Variants in IRF7 observed in about 807,000 individuals in gnomAD.
IRF7 encodes interferon regulatory factor-7H.
IRF7 carries 67 observed loss-of-function variants against 51.3 expected under a neutral mutation model. That is an observed-to-expected ratio of 1.31 (90% CI 1.07 to 1.60). IRF7 has a LOEUF of 1.60. IRF7 is among the 40% of genes most tolerant of loss of function. The pLI is 0.00. For missense variants in IRF7, 873 were observed against 701.5 expected (o/e 1.24, Z -2.76); for synonymous variants, 427 against 301.3 (o/e 1.42, Z -4.32).
In IRF7 at chr11:613,406, G is replaced by T; in HGVS notation, c.1037C>A (p.Thr346Lys). The T allele has an allele frequency of 6.3e-7, 1 of 1,580,276 alleles. No individual in the cohort carries two copies. Residue 346 changes from threonine (T) to lysine (K), a missense_variant, in exon 9 of 11, where the codon ACG (threonine) becomes AAG (lysine). Coordinates refer to ENST00000525445, the MANE Select transcript of IRF7 (RefSeq NM_001572.5). ...GGCCACGTGCCGCAGCAGTTCCTCC[G>T]TGTAGCGCAGCTGCTTCTGGTCCGG... is the stretch of plus-strand genomic sequence containing the variant. ...ELPDQKQLRY[T>K]EELLRHVAPG...
Position 613,482 on chromosome 11 carries a change from C to A in IRF7, c.961G>T (p.Val321Phe), listed in dbSNP as rs760985507. The change falls in exon 9 of 11, where the codon GTC becomes TTC. Residue 321 changes from valine to phenylalanine, a missense_variant. Transcript: ENST00000525445. The stretch of plus-strand genomic sequence containing the variant: ...ACCTGCTGGGGGTCTGTGGCCCGGA[C>A]AGCTGGGTCTGGGGGGCCGTATAGG... ...TFLYGPPDPA[V>F]RATDPQQVAF... 2 of 1,543,320 alleles carry A rather than the reference C, an allele frequency of 1.3e-6. No individual in the cohort carries two copies. Among genetic ancestry groups the A allele is most frequent in the Non-Finnish European group, 1.7e-6 (2 of 1,146,576 alleles).
rs200579991 is a variant in IRF7 at position 613,957 on chromosome 11, T to C, written c.760A>G (p.Thr254Ala). ...PSPGPQPAAL[T>A]TGEAAAPESP... ...CAACCCCTACCCCTCTCACCTGTCG[T>C]TAGTGCCGCGGGCTGGGGCCCGGGG... Residue 254 changes from threonine (T) to alanine (A), a missense_variant, in exon 7 of 11, where the codon ACG (threonine) becomes GCG (alanine). Coordinates refer to ENST00000525445, the MANE Select transcript of IRF7 (RefSeq NM_001572.5). 2.9e-4 allele frequency: 471 copies of C among 1,606,278 alleles called. 2 individuals are homozygous for C. Among genetic ancestry groups the C allele is most frequent in the Non-Finnish European group, 2.4e-4 (283 of 1,177,766 alleles).
Position 614,521 on chromosome 11 carries a change from C to T in IRF7, c.408G>A (p.Thr136=), listed in dbSNP as rs1383019220. ...RELCWREGPG[T]DQTEAEAPAA... ...CGGGGGCCTCTGCCTCAGTCTGGTC[C>T]GTGCCTGGGCCTTCTGAGAGAGAAT... is the stretch of plus-strand genomic sequence containing the variant. Residue 136 remains threonine (T), a synonymous_variant, in exon 5 of 11, where the codon ACG becomes ACA. Coordinates refer to ENST00000525445, the MANE Select transcript of IRF7 (RefSeq NM_001572.5). 16 of 1,555,004 alleles carry T rather than the reference C, an allele frequency of 1.0e-5. No individual in the cohort carries two copies. Among genetic ancestry groups the T allele is most frequent in the Middle Eastern group, 3.3e-4 (2 of 5,990 alleles).
Position 613,780 on chromosome 11 carries a change from CT to C in IRF7, c.847+4del, listed in dbSNP as rs764192169. 1.7e-5 allele frequency: 27 copies of C among 1,547,744 alleles called. No homozygotes were observed. The highest frequency in any genetic ancestry group is 4.5e-5 in the Admixed American group (2 of 44,594). ...ACAGGCTGCCCCTTCCTGGGATGCA[CT>C]CACCTTGCACCGCGGTGCAGGCGCT... is the stretch of plus-strand genomic sequence containing the variant. On this transcript the variant is annotated splice_donor_region_variant and intron_variant, in intron 8 of 10. Coordinates refer to ENST00000525445, the MANE Select transcript of IRF7 (RefSeq NM_001572.5).
At chr11:614,559 A>G in intron 4 of IRF7, 25 bp from the exon 5 acceptor site, 1 of 1,550,284 alleles carries the variant, frequency 6.5e-7, no homozygotes, top group Middle Eastern at 1.7e-4. Context: ...GGCAGGCGTT[A>G]GGCCCCGACA....
rs1856774528 is a variant in IRF7, at chr11:615,265, G to A, written c.21-6C>T. On this transcript the variant is annotated splice_polypyrimidine_tract_variant and splice_region_variant and intron_variant, in intron 2 of 10. Transcript: ENST00000525445. ...ACAGCACGCGTGGGGCTGCCCTGCG[G>A]GTGCCCGGCCGCGGAGAGTCAGGGC... The A allele has an allele frequency of 6.3e-7, 1 of 1,581,300 alleles. No individual in the cohort carries two copies. Among genetic ancestry groups the A allele is most frequent in the Non-Finnish European group, 8.6e-7 (1 of 1,168,044 alleles).
In IRF7 at chr11:615,365, T is replaced by TG; in HGVS notation, c.-2dup. ...CTTACCTCTCAGGAGCCAAGGCCAT[T>TG]GCTCCTTCTGCAGGGGCAGTTAGGT... On this transcript the variant is annotated 5_prime_UTR_variant, in exon 2 of 11. Coordinates refer to ENST00000525445, the MANE Select transcript of IRF7 (RefSeq NM_001572.5). 4 of 1,505,380 alleles carry TG rather than the reference T, an allele frequency of 2.7e-6. No individual in the cohort carries two copies. Among genetic ancestry groups the TG allele is most frequent in the Non-Finnish European group, 3.5e-6 (4 of 1,132,612 alleles). The allele number at this position is 1,505,380 out of a possible 1,614,324, so 93.3% of individuals were successfully genotyped here. A position where few individuals can be genotyped will look rare whatever the true frequency, so the allele number is the denominator to read the frequency against.
chr11:613,943 C>G lies in IRF7; in HGVS notation c.766+8G>C, dbSNP rs774695833. 6.2e-7 allele frequency: 1 copy of G among 1,606,204 alleles called. No homozygotes were observed. Among genetic ancestry groups the G allele is most frequent in the Non-Finnish European group, 8.5e-7 (1 of 1,177,686 alleles). On this transcript the variant is annotated splice_region_variant and intron_variant, in intron 7 of 10. Coordinates refer to ENST00000525445, the MANE Select transcript of IRF7 (RefSeq NM_001572.5). ...TGCCCCAGGCCTCCCAACCCCTACC[C>G]CTCTCACCTGTCGTTAGTGCCGCGG...
intron 6 of IRF7, 65 bp downstream of exon 6, chr11:614,109 C>T (rs1856662504): frequency 1.3e-6 from 2 of 1,582,250 alleles, no homozygotes; most frequent in Non-Finnish European, 1.7e-6. Flanking sequence ...CAGCCCCCTT[C>T]TAAAGTGTCC....
Position 613,904 on chromosome 11 carries a change from C to T in IRF7, c.767-39G>A, listed in dbSNP as rs368506935. 8.8e-6 allele frequency: 14 copies of T among 1,599,068 alleles called. No individual in the cohort carries two copies. In the East Asian group the frequency reaches 1.8e-4, roughly 21 times the overall value. ...GGAATCCTGTGCTGGCACCTCATCC[C>T]TAGCCTCTCCCTGTGCCCCAGGCCT... is the stretch of plus-strand genomic sequence containing the variant. On this transcript the variant is annotated intron_variant, in intron 7 of 10. Transcript: ENST00000525445.
rs1589920924 is a variant in IRF7, at chr11:614,048, G to A, written c.680-11C>T. ...CAGGGAGCCCTGGGCCTGAGGAGGG[G>A]AGGACAGTGGGAACGGTGGTCCCCT... On this transcript the variant is annotated splice_polypyrimidine_tract_variant and intron_variant, in intron 6 of 10. Transcript: ENST00000525445. 2.5e-6 allele frequency: 4 copies of A among 1,603,720 alleles called. No homozygotes were observed. In the East Asian group the frequency reaches 9.0e-5, roughly 36 times the overall value.
In IRF7 at chr11:615,163, A is replaced by G; in HGVS notation, c.117T>C (p.Cys39=). The G allele has an allele frequency of 6.2e-7, 1 of 1,604,376 alleles. No individual in the cohort carries two copies. The highest frequency in any genetic ancestry group is 8.5e-7 in the Non-Finnish European group (1 of 1,179,132). The stretch of plus-strand genomic sequence containing the variant: ...CGAAGTGCTTCCAGGGCACGCGGAA[A>G]CAGGTGCGGGCCTCGTCCAGCCACT... The part of the protein sequence containing the change: ...GLQWLDEART[C]FRVPWKHFAR... The change falls in exon 3 of 11, where the codon TGT becomes TGC. Residue 39 remains cysteine (C), a synonymous_variant. Coordinates refer to ENST00000525445, the MANE Select transcript of IRF7 (RefSeq NM_001572.5).
In IRF7 at chr11:613,255, C is replaced by T; in HGVS notation, c.1188G>A (p.Leu396=). 1 of 1,598,784 alleles carries T rather than the reference C, an allele frequency of 6.3e-7. No homozygotes were observed. Among genetic ancestry groups the T allele is most frequent in the Non-Finnish European group, 8.5e-7 (1 of 1,173,584 alleles). The change falls in exon 9 of 11, where the codon CTG becomes CTA. Residue 396 remains leucine (L), a synonymous_variant. Coordinates refer to ENST00000525445, the MANE Select transcript of IRF7 (RefSeq NM_001572.5). ...SASPSTPACL[L]PRNCDTPIFD... is the part of the protein sequence containing the mutation. ...AGATGGGGGTGTCACAGTTCCGAGG[C>T]AGCAGGCAGGCTGGGGTGGAGGGGC...
At position 612,603 on chromosome 11, in the gene IRF7, G is replaced by A. The variant is rs756874237; in HGVS notation, c.*42C>T. On this transcript the variant is annotated 3_prime_UTR_variant, in exon 11 of 11. Transcript: ENST00000525445. ...ACTGGGCGGCCGCGGCCAGCTCTAG[G>A]TGGGCTGCTCCAGCTTTCTGGAGTT... 1.2e-6 allele frequency: 2 copies of A among 1,607,616 alleles called. No homozygotes were observed. The highest frequency in any genetic ancestry group is 4.5e-5 in the East Asian group (2 of 44,780).
intron 4 of IRF7, 85 bp from the exon 5 acceptor site, chr11:614,619 TGGCTGTGAACCCTTA>T (rs1856710237): frequency 1.3e-6 from 2 of 1,500,278 alleles, no homozygotes; most frequent in Non-Finnish European, 1.8e-6. Context: ...ACCAGCTTCC[TGGCTGTGAACCCTTA>T]GGCTGTGGCC....
intron 6 of IRF7, 59 bp from the exon 7 acceptor site, chr11:614,096 C>T (rs1252002244): frequency 6.3e-6 from 10 of 1,578,832 alleles, no homozygotes; most frequent in Admixed American, 5.3e-5. Flanking sequence ...GCTCCCCAAT[C>T]CCCAGCCCCC....
chr11:614,913 GTT>G lies in IRF7; in HGVS notation c.276_277del (p.Lys92AsnfsTer19). The G allele has an allele frequency of 6.3e-7, 1 of 1,588,476 alleles. No homozygotes were observed. Among genetic ancestry groups the G allele is most frequent in the African/African-American group, 1.3e-5 (1 of 74,334 alleles). The stretch of plus-strand genomic sequence containing the variant: ...GCTGCGCAGTGCGCAGCGGAAGTTG[GTT>G]TTCCAGCCGGCGCGCTCCGCAGTCT... On this transcript the variant is annotated frameshift_variant, in exon 4 of 11. Transcript: ENST00000525445. LOFTEE classifies it high-confidence loss of function.
At position 612,770 on chromosome 11, in the gene IRF7, C is replaced by T. The variant is rs375003348; in HGVS notation, c.1387G>A (p.Glu463Lys). 54 of 1,611,600 alleles carry T rather than the reference C, an allele frequency of 3.4e-5. No homozygotes were observed. The highest frequency in any genetic ancestry group is 4.2e-6 in the Non-Finnish European group (5 of 1,179,978). The part of the protein sequence containing the change: ...LEPWLCRVHL[E>K]GTQREGVSSL... ...GACACACCCTCACGCTGCGTGCCCT[C>T]TAGGTGCACTCGGCACAGCCAGGGT... is the stretch of plus-strand genomic sequence containing the variant. Residue 463 changes from glutamate (E) to lysine (K), a missense_variant, in exon 11 of 11, where the codon GAG becomes AAG. Physicochemically the swap from Glu to Lys is moderately conservative, Grantham distance 56. Coordinates refer to ENST00000525445, the MANE Select transcript of IRF7 (RefSeq NM_001572.5).
rs1181963450 is a variant in IRF7, at chr11:614,328, T to TGGG, written c.522_524dup (p.Pro175dup). 1 of 1,611,312 alleles carries TGGG rather than the reference T, an allele frequency of 6.2e-7. No homozygotes were observed. The highest frequency in any genetic ancestry group is 1.1e-5 in the South Asian group (1 of 90,782). On this transcript the variant is annotated inframe_insertion, in exon 6 of 11. Coordinates refer to ENST00000525445, the MANE Select transcript of IRF7 (RefSeq NM_001572.5). ...GCAGGAGGTCCCCCTTGTCACCAGC[T>TGGG]GGGGCAGGGAGGGGGCCTGGGGCTT...
Sources: allele counts gnomAD v4.1 joint callset, GRCh38; gene constraint gnomAD v4.1.1; transcripts MANE v1.5; gene names NCBI Gene and HGNC (gene_info 2026-07-23, HGNC 2026-07-21).